The following LRP1 variants were observed in gnomAD, a reference collection of about 807,000 sequenced individuals.
LRP1 encodes prolow-density lipoprotein receptor-related protein 1.
In LRP1, 51 loss-of-function variants were observed where a neutral mutation model predicts 541.5. The observed-to-expected ratio is 0.09, with a 90% confidence interval of 0.08 to 0.12. The LOEUF (loss-of-function observed/expected upper bound fraction) is 0.12. LRP1 is among the 10% of genes least tolerant of loss of function. The probability of loss-of-function intolerance (pLI) is 1.00; values close to 1 mark genes in which losing one functional copy is unlikely to be tolerated. For missense variants in LRP1, 3,878 were observed against 6,376.2 expected, an observed-to-expected ratio of 0.61 and a Z score of 13.34; for synonymous variants, 2,219 against 2,470.8, an observed-to-expected ratio of 0.90 and a Z score of 3.02.
Position 57,154,681 on chromosome 12 carries a change from A to G in LRP1, c.1207A>G (p.Thr403Ala). 1 of 1,564,776 alleles carries G rather than the reference A, an allele frequency of 6.4e-7. No homozygotes were observed. Among genetic ancestry groups the G allele is most frequent in the East Asian group, 2.4e-5 (1 of 41,822 alleles). Residue 403 changes from threonine (T) to alanine (A), a missense_variant, in exon 8 of 89, where the codon ACC becomes GCC. Coordinates refer to ENST00000243077, the MANE Select transcript of LRP1 (RefSeq NM_002332.3). The surrounding 1 kb of genome is among the most constrained non-coding windows in gnomAD (Gnocchi z 4.6). ...VVDYEGKGRQ[T>A]IIQGILIEHL... ...GGACTATGAGGGCAAGGGCCGCCAG[A>G]CCATCATCCAGGGCATCCTGGTGAG...
chr12:57,200,826 G>GGGGGGGGGCCCC lies in LRP1; in HGVS notation c.10225+11_10225+12insGGGGGGGGCCCC. 1 of 1,581,434 alleles carries GGGGGGGGGCCCC rather than the reference G, an allele frequency of 6.3e-7. No homozygotes were observed. ...ACGAGGCCAACTGTGGTAAGGCGCTGCCCGCCCACCCTCCCTCCTTCCCCA... is the reference window on the plus strand; with the variant it reads ...ACGAGGCCAACTGTGGTAAGGCGCTGGGGGGGGGCCCCCCCGCCCACCCTCCCTCCTTCCCCA... On this transcript the variant is annotated intron_variant, in intron 64 of 88. Transcript: ENST00000243077.
At chr12:57,195,129 A>T (rs773949141) in intron 51 of LRP1, 28 bp downstream of exon 51, 1 of 1,605,984 alleles carries the variant, frequency 6.2e-7, no homozygotes, top group Non-Finnish European at 8.5e-7. Flanking sequence ...GGGCCGGGGG[A>T]GGTGCCCCAG....
In LRP1 at chr12:57,199,354, C is replaced by T. The variant is rs770225064; in HGVS notation, c.9819C>T (p.His3273=). 1.9e-6 allele frequency: 3 copies of T among 1,612,950 alleles called. No homozygotes were observed. The highest frequency in any genetic ancestry group is 2.5e-6 in the Non-Finnish European group (3 of 1,179,824). The change falls in exon 61 of 89, where the codon CAC becomes CAT. Residue 3273 remains histidine (H), a synonymous_variant. Coordinates refer to ENST00000243077, the MANE Select transcript of LRP1 (RefSeq NM_002332.3). ...TNKTLLISTL[H]RPMDLHVFHA... ...AAACGCTCCTCATCAGCACGCTGCA[C>T]CGGCCCATGGACCTGCATGTCTTCC...
At position 57,159,806 on chromosome 12, in the gene LRP1, G is replaced by A. The variant is rs1592619122; in HGVS notation, c.1799-19G>A. On this transcript the variant is annotated intron_variant, in intron 11 of 88. Transcript: ENST00000243077. ...CTTCCTTTGAAGCTGTTCATCACTG[G>A]TCCCTCTTCCCCCAACAGGCATCCA... is the stretch of plus-strand genomic sequence containing the variant. 2 of 1,613,018 alleles carry A rather than the reference G, an allele frequency of 1.2e-6. No homozygotes were observed. Among genetic ancestry groups the A allele is most frequent in the African/African-American group, 1.3e-5 (1 of 75,018 alleles).
chr12:57,166,045 C>T (rs1478740530), intron 16 of LRP1, 39 bp from the exon 17 acceptor site: 1 of 1,613,594 alleles, frequency 6.2e-7, no homozygotes, highest in Non-Finnish European at 8.5e-7. Flanking sequence ...GCTGGGGGCA[C>T]CCAACTTCTC....
At position 57,145,263 on chromosome 12, in the gene LRP1, A is replaced by G. The variant is rs142306945; in HGVS notation, c.614A>G (p.Asn205Ser). The G allele has an allele frequency of 2.7e-5, 43 of 1,613,720 alleles. No individual in the cohort carries two copies. The African/African-American group carries it at 4.7e-4, about 18-fold the overall frequency. Residue 205 changes from asparagine to serine, a missense_variant, in exon 6 of 89, where the codon AAC becomes AGC. This residue lies in a region of LRP1 where 293 missense variants were observed against 403.7 expected (regional missense o/e 0.73). Transcript: ENST00000243077. The stretch of plus-strand genomic sequence containing the variant: ...CGGCCCCCTGTGCTGTTGATAGCCA[A>G]CTCCCAGAACATCTTGGCCACGTAC... The part of the protein sequence containing the change: ...VDRPPVLLIA[N>S]SQNILATYLS...
intron 61 of LRP1, 140 bp from the exon 62 acceptor site, chr12:57,199,737 C>T: frequency 9.5e-7 from 1 of 1,048,214 alleles, no homozygotes; most frequent in South Asian, 1.7e-5. Context: ...ACCTTAGAAT[C>T]CTCTCCTATC....
Position 57,180,658 on chromosome 12 carries a change from C to T in LRP1, c.5387-9C>T. On this transcript the variant is annotated splice_polypyrimidine_tract_variant and intron_variant, in intron 32 of 88. Transcript: ENST00000243077. The stretch of plus-strand genomic sequence containing the variant: ...TTCCCAAGGGTCTCATCCCCTCCTG[C>T]TGCCCCAGGGGACAAGCTGTGGTGG... 5 of 1,613,956 alleles carry T rather than the reference C, an allele frequency of 3.1e-6. No individual in the cohort carries two copies. The highest frequency in any genetic ancestry group is 4.2e-6 in the Non-Finnish European group (5 of 1,179,836).
At chr12:57,180,848 A>G (rs2036150445) in intron 33 of LRP1, 41 bp downstream of exon 33, 1 of 1,609,082 alleles carries the variant, frequency 6.2e-7, no homozygotes, top group East Asian at 2.2e-5. Flanking sequence ...CTCAGGGGCA[A>G]CAGGGGAGCC....
In LRP1 at chr12:57,204,543, C is replaced by A. The variant is rs779166166; in HGVS notation, c.11071+14C>A. ...CCGAGGAGTGTGGTGAGATTTGGGG[C>A]GGGGCTCCCAGGCTTCCCAGTGGCC... is the stretch of plus-strand genomic sequence containing the variant. On this transcript the variant is annotated intron_variant, in intron 71 of 88. Coordinates refer to ENST00000243077, the MANE Select transcript of LRP1 (RefSeq NM_002332.3). This position sits in a 1 kb window ranked among gnomAD's most constrained non-coding sequence, Gnocchi z 5.3. The A allele has an allele frequency of 1.9e-6, 3 of 1,605,496 alleles. No homozygotes were observed. The highest frequency in any genetic ancestry group is 2.7e-5 in the African/African-American group (2 of 74,812).
At chr12:57,193,507 G>A in intron 46 of LRP1, 59 bp from the exon 47 acceptor site, 1 of 1,591,278 alleles carries the variant, frequency 6.3e-7, no homozygotes, top group South Asian at 1.1e-5. Context: ...TGACGTCTCA[G>A]GGAGGCAGCC....
chr12:57,173,650 T>C lies in LRP1; in HGVS notation c.3347-130T>C. The C allele has an allele frequency of 1.1e-6, 1 of 946,054 alleles. No individual in the cohort carries two copies. The highest frequency in any genetic ancestry group is 1.6e-6 in the Non-Finnish European group (1 of 614,764). 58.6% of individuals were successfully genotyped at this position (946,054 alleles called of 1,614,324 possible). A position where few individuals can be genotyped will look rare whatever the true frequency, so the allele number is the denominator to read the frequency against. ...CTATGTGAATTTGACCCAAAAAGCC[T>C]CGGGGTTCCTCGTGGACCCCACAGC... On this transcript the variant is annotated intron_variant, in intron 21 of 88. Coordinates refer to ENST00000243077, the MANE Select transcript of LRP1 (RefSeq NM_002332.3). This position sits in a 1 kb window ranked among gnomAD's most constrained non-coding sequence, Gnocchi z 4.7.
chr12:57,152,062 G>A (rs2035536370), intron 6 of LRP1, among the ~76,000 whole-genome samples: 1 of 152,150 alleles, frequency 6.6e-6, no homozygotes, highest in Admixed American at 6.5e-5. Context: ...GTAAATATCT[G>A]AGAGCAGGGA....
Position 57,210,861 on chromosome 12 carries a change from G to A in LRP1, c.12898G>A (p.Gly4300Ser). ...GTGCCGATGCCTACCCGGCTTCCTG[G>A]GCGACCGCTGCCAGTACCGTGAGTG... The part of the protein sequence containing the change: ...PQCRCLPGFL[G>S]DRCQYRQCSG... Residue 4300 changes from glycine (G) to serine (S), a missense_variant, in exon 83 of 89, where the codon GGC becomes AGC. This residue lies in a region of LRP1 where 871 missense variants were observed against 1,212.4 expected (regional missense o/e 0.72). Transcript: ENST00000243077. 1.2e-6 allele frequency: 2 copies of A among 1,612,160 alleles called. No homozygotes were observed. The highest frequency in any genetic ancestry group is 1.7e-6 in the Non-Finnish European group (2 of 1,179,294).
At position 57,183,855 on chromosome 12, in the gene LRP1, G is replaced by A. The variant is rs144804370; in HGVS notation, c.5875G>A (p.Val1959Met). 3.5e-5 allele frequency: 56 copies of A among 1,614,206 alleles called. No homozygotes were observed. Among genetic ancestry groups the A allele is most frequent in the Non-Finnish European group, 4.0e-5 (47 of 1,180,042 alleles). ...AKRDQTWREDVVTNGIGRVEG... is the reference protein window; with the variant it reads ...AKRDQTWREDMVTNGIGRVEG... ...GCGGGACCAGACGTGGCGTGAAGACGTGGTGACCAATGGCATTGGCCGTGT... is the reference window on the plus strand; with the variant it reads ...GCGGGACCAGACGTGGCGTGAAGACATGGTGACCAATGGCATTGGCCGTGT... Residue 1959 changes from valine to methionine, a missense_variant, in exon 36 of 89, where the codon GTG (valine) becomes ATG (methionine). By Grantham distance (21) the Val-to-Met change is conservative (BLOSUM62 1). This residue lies in a region of LRP1 where 394 missense variants were observed against 635.9 expected (regional missense o/e 0.62). Coordinates refer to ENST00000243077, the MANE Select transcript of LRP1 (RefSeq NM_002332.3). The surrounding 1 kb of genome is among the most constrained non-coding windows in gnomAD (Gnocchi z 6.1).
intron 11 of LRP1, among the ~76,000 whole-genome samples, chr12:57,159,376 A>G (rs1194756256): frequency 6.6e-6 from 1 of 152,238 alleles, no homozygotes; most frequent in Non-Finnish European, 1.5e-5. Flanking sequence ...TACCAAGGGA[A>G]CTGCTATTTA....
chr12:57,155,040 C>G, intron 8 of LRP1: 1 of 552,156 alleles, frequency 1.8e-6, no homozygotes, highest in Non-Finnish European at 3.2e-6. Flanking sequence ...GGTGATTTGC[C>G]TGTGTTTACA....
intron 70 of LRP1, chr12:57,203,889 G>T (rs1000325205): frequency 3.7e-5 from 9 of 245,466 alleles, no homozygotes; most frequent in African/African-American, 2.0e-4. Flanking sequence ...CCTTCCTGGG[G>T]GCAGTGAGAC....
Position 57,210,709 on chromosome 12 carries a change from T to C in LRP1, c.12755-9T>C, listed in dbSNP as rs773149236. On this transcript the variant is annotated splice_polypyrimidine_tract_variant and intron_variant, in intron 82 of 88. Transcript: ENST00000243077. Reference sequence around the variant, plus strand: ...GCCACAGTCGCGCTCACACATCCTCTCCCACCAGGCATGCCCACGTGCCGG... The same window carrying C: ...GCCACAGTCGCGCTCACACATCCTCCCCCACCAGGCATGCCCACGTGCCGG... The C allele has an allele frequency of 1.9e-6, 3 of 1,603,252 alleles. No homozygotes were observed. The highest frequency in any genetic ancestry group is 2.6e-6 in the Non-Finnish European group (3 of 1,171,702).
Sources: gnomAD v4.1 joint callset for allele counts (sites outside exome capture counted in the v4.1 genomes callset) on GRCh38, gnomAD v4.1.1 for gene constraint, gnomAD v4.1.1 regional missense constraint, Gnocchi (gnomAD v3.1) non-coding constraint, MANE v1.5 for transcripts, NCBI Gene and HGNC (gene_info 2026-07-23, HGNC 2026-07-21) for gene names.